The following INPP5D variants were observed in gnomAD, a reference collection of about 807,000 sequenced individuals.
The protein encoded by INPP5D is phosphatidylinositol 3,4,5-trisphosphate 5-phosphatase 1.
INPP5D carries 33 observed loss-of-function variants against 122.9 expected under a neutral mutation model. The observed-to-expected ratio is 0.27, with a 90% CI of 0.20 to 0.36. The LOEUF is 0.36. Among genes scored for constraint, INPP5D ranks in the 10% least tolerant of loss-of-function variants. The probability of loss-of-function intolerance (pLI) is 1.00; values close to 1 mark genes in which losing one functional copy is unlikely to be tolerated. For missense variants in INPP5D, 1,053 were observed against 1,412.7 expected (o/e 0.75, Z 4.08); for synonymous variants, 584 against 576.2 (o/e 1.01, Z -0.19).
chr2:233,129,326 A>G (rs1254708153), intron 4 of INPP5D, among the ~76,000 whole-genome samples: 1 of 152,244 alleles, frequency 6.6e-6, no homozygotes, highest in African/African-American at 2.4e-5. Context: ...GGAGAAAATG[A>G]GCATGAAGTG....
intron 21 of INPP5D, among the ~76,000 whole-genome samples, chr2:233,186,609 C>T (rs1694921405): frequency 6.7e-6 from 1 of 148,756 alleles, no homozygotes; most frequent in Admixed American, 6.7e-5. Context: ...CAAGACCAGC[C>T]TGGGAAACAT....
At chr2:233,165,539 TGA>T (rs1250437045) in intron 13 of INPP5D, among the ~76,000 whole-genome samples, 3 of 151,650 alleles carry the variant, frequency 2.0e-5, no homozygotes, top group South Asian at 2.1e-4. Context: ...TCCATATCTA[TGA>T]GTGTGTGAGT....
chr2:233,199,100 A>C (rs1695262956), intron 25 of INPP5D, among the ~76,000 whole-genome samples: 1 of 150,194 alleles, frequency 6.7e-6, no homozygotes, highest in African/African-American at 2.5e-5. Flanking sequence ...AAATACAAAA[A>C]TTAGCCAGGC....
intron 2 of INPP5D, among the ~76,000 whole-genome samples, chr2:233,109,111 G>C (rs1202240500): frequency 6.6e-6 from 1 of 152,176 alleles, no homozygotes; most frequent in Non-Finnish European, 1.5e-5. Context: ...TCCCTCTCCT[G>C]GTCACAAAAT....
At chr2:233,088,906 G>A (rs1478616469) in intron 2 of INPP5D, among the ~76,000 whole-genome samples, 1 of 152,204 alleles carries the variant, frequency 6.6e-6, no homozygotes, top group African/African-American at 2.4e-5. Flanking sequence ...CTGACTGCCC[G>A]ATCGGGGCCC....
intron 2 of INPP5D, among the ~76,000 whole-genome samples, chr2:233,079,970 C>T (rs1317502710): frequency 6.6e-6 from 1 of 152,190 alleles, no homozygotes; most frequent in Non-Finnish European, 1.5e-5. Context: ...ACTCTTGTCA[C>T]CCAGGCTGGA....
chr2:233,196,002 T>C (rs1021394370), intron 24 of INPP5D, among the ~76,000 whole-genome samples: 2 of 152,092 alleles, frequency 1.3e-5, no homozygotes, highest in Admixed American at 1.3e-4. Context: ...CTGGGTGTAG[T>C]AGTCCTAACT....
At chr2:233,171,233 G>A (rs1694488416) in intron 17 of INPP5D, 81 bp downstream of exon 17, 2 of 1,521,520 alleles carry the variant, frequency 1.3e-6, no homozygotes, top group African/African-American at 1.4e-5. Context: ...AACAGAAAGT[G>A]TCTTCATCCA....
chr2:233,134,912 CAGAGT>C (rs1693425909), intron 5 of INPP5D, among the ~76,000 whole-genome samples: 3 of 152,114 alleles, frequency 2.0e-5, no homozygotes, highest in South Asian at 2.1e-4. Flanking sequence ...AATCACAAAA[CAGAGT>C]AGAGTGTCAG....
intron 9 of INPP5D, among the ~76,000 whole-genome samples, chr2:233,151,665 T>G (rs953520780): frequency 6.6e-6 from 1 of 152,230 alleles, no homozygotes; most frequent in African/African-American, 2.4e-5. Flanking sequence ...TAAATCCCAG[T>G]TCTGTCTCCC....
At chr2:233,169,883 T>C in intron 14 of INPP5D, 143 bp from the exon 15 acceptor site, 1 of 1,480,250 alleles carries the variant, frequency 6.8e-7, no homozygotes, top group South Asian at 1.3e-5. Flanking sequence ...GGAGTTCTGC[T>C]GCAGCAGGGC....
chr2:233,061,617 A>T lies in INPP5D; in HGVS notation c.134+1005A>T, dbSNP rs537015624. The stretch of plus-strand genomic sequence containing the variant: ...TGATGAACCCAGACCTGTTTTGAAT[A>T]CTGACTCACAGCTGGGACCTGTCGT... On this transcript the variant is annotated intron_variant, in intron 1 of 26. Coordinates refer to ENST00000445964, the MANE Select transcript of INPP5D (RefSeq NM_001017915.3). Among the ~76,000 whole-genome samples the T allele has an allele frequency of 1.1e-3, 172 of 152,272 alleles. 2 individuals are homozygous for T. The highest frequency in any genetic ancestry group is 1.7e-3 in the Non-Finnish European group (116 of 68,024).
chr2:233,145,379 C>T (rs1693731618), intron 6 of INPP5D: 1 of 454,890 alleles, frequency 2.2e-6, no homozygotes, highest in Admixed American at 2.4e-5. Context: ...TGTTGCAGTA[C>T]TGAACACAGT....
intron 2 of INPP5D, among the ~76,000 whole-genome samples, chr2:233,108,633 G>C (rs983596239): frequency 6.6e-6 from 1 of 152,186 alleles, no homozygotes; most frequent in Non-Finnish European, 1.5e-5. Flanking sequence ...GGCCATCTTT[G>C]TGAGATGTGC....
chr2:233,182,618 T>C, intron 19 of INPP5D, 119 bp downstream of exon 19: 2 of 1,453,546 alleles, frequency 1.4e-6, no homozygotes, highest in Non-Finnish European at 1.9e-6. Flanking sequence ...CCCAGGCAAG[T>C]CCACAATATC....
rs1358494281 is a variant in INPP5D at position 233,144,746 on chromosome 2, TA to T, written c.754-1415del. Among the ~76,000 whole-genome samples, 14 of 148,022 alleles carry T rather than the reference TA, an allele frequency of 9.5e-5. 1 individual carries two copies. Among genetic ancestry groups the T allele is most frequent in the African/African-American group, 2.5e-4 (10 of 40,686 alleles). ...GTGGGCATGATCATGGTGGGAGTGA[TA>T]GGGGTGGAGATGGTGGTAGTGATGG... is the stretch of plus-strand genomic sequence containing the variant. On this transcript the variant is annotated intron_variant, in intron 6 of 26. Transcript: ENST00000445964.
intron 25 of INPP5D, among the ~76,000 whole-genome samples, chr2:233,203,862 G>C (rs1036453245): frequency 2.6e-5 from 4 of 152,162 alleles, no homozygotes; most frequent in Non-Finnish European, 5.9e-5. Flanking sequence ...GGGAAGGACT[G>C]CTTGAGCCCA....
chr2:233,089,915 G>T (rs1007673385), intron 2 of INPP5D, among the ~76,000 whole-genome samples: 3 of 152,226 alleles, frequency 2.0e-5, no homozygotes, highest in Non-Finnish European at 4.4e-5. Flanking sequence ...GGGAGGAAAT[G>T]AATGGCCCAG....
chr2:233,204,760 G>A, intron 26 of INPP5D, 43 bp downstream of exon 26: 2 of 1,453,922 alleles, frequency 1.4e-6, no homozygotes, highest in Non-Finnish European at 1.8e-6. Flanking sequence ...TTGTGTGTGT[G>A]TGCATGCGTG....
Sources: allele counts gnomAD v4.1 joint callset (sites outside exome capture counted in the v4.1 genomes callset), GRCh38; gene constraint gnomAD v4.1.1; transcripts MANE v1.5; gene names NCBI Gene and HGNC (gene_info 2026-07-23, HGNC 2026-07-21).